DNAH6: variants seen among roughly 807,000 people sequenced by gnomAD.
DNAH6 encodes dynein axonemal heavy chain 6, also known as axonemal beta dynein heavy chain 6.
In DNAH6, 340 loss-of-function variants were observed where a neutral mutation model predicts 491.4. The ratio of observed to expected loss-of-function variants is 0.69; its 90% CI spans 0.63 to 0.76. The LOEUF (loss-of-function observed/expected upper bound fraction) is 0.76. DNAH6 is among the 30% of genes least tolerant of loss of function. The pLI, the probability that DNAH6 is intolerant of heterozygous loss-of-function variation, is 0.00. For missense variants in DNAH6, 4,443 were observed against 4,972.2 expected (o/e 0.89, Z 3.20); for synonymous variants, 1,603 against 1,686.1 (o/e 0.95, Z 1.21).
chr2:84,621,430 T>C lies in DNAH6; in HGVS notation c.3958-8T>C. 1 of 1,542,616 alleles carries C rather than the reference T, an allele frequency of 6.5e-7. No homozygotes were observed. On this transcript the variant is annotated splice_region_variant and splice_polypyrimidine_tract_variant and intron_variant, in intron 25 of 76. Coordinates refer to ENST00000389394, the MANE Select transcript of DNAH6 (RefSeq NM_001370.2). The stretch of plus-strand genomic sequence containing the variant: ...CATCACATATTTAAGAAACATGTTT[T>C]CTTGCAGGTTATCCTGACTGTTTCT...
At chr2:84,669,547 A>G in intron 38 of DNAH6, 37 bp downstream of exon 38, 16 of 1,474,562 alleles carry the variant, frequency 1.1e-5, no homozygotes, top group Admixed American at 2.0e-5. Flanking sequence ...TCCTCTCCAA[A>G]TGTGAGGGCA....
intron 60 of DNAH6, among the ~76,000 whole-genome samples, chr2:84,725,017 C>T (rs1698494732): frequency 6.6e-6 from 1 of 152,160 alleles, no homozygotes; most frequent in Non-Finnish European, 1.5e-5. Context: ...AATGTTACCC[C>T]ACGTTGTCTT....
At chr2:84,524,644 C>A (rs1676447692) in intron 2 of DNAH6, among the ~76,000 whole-genome samples, 2 of 151,942 alleles carry the variant, frequency 1.3e-5, no homozygotes, top group South Asian at 4.1e-4. Context: ...GTAATGAAAT[C>A]CCTCAACATC....
intron 4 of DNAH6, among the ~76,000 whole-genome samples, chr2:84,535,591 A>G (rs1420393103): frequency 6.6e-6 from 1 of 151,818 alleles, no homozygotes; most frequent in African/African-American, 2.4e-5. Context: ...GCAAGAACAC[A>G]TAATATCTAA....
intron 14 of DNAH6, 30 bp downstream of exon 14, chr2:84,579,709 T>C: frequency 1.3e-6 from 2 of 1,513,740 alleles, no homozygotes; most frequent in Non-Finnish European, 1.8e-6. Flanking sequence ...TAACTCAATA[T>C]TCCAGATCTT....
intron 9 of DNAH6, 85 bp downstream of exon 9, chr2:84,550,142 C>T: frequency 9.1e-7 from 1 of 1,101,472 alleles, no homozygotes; most frequent in South Asian, 1.8e-5. Context: ...ATGCTATTTT[C>T]TGTGCACTAA....
chr2:84,725,634 C>A (rs1698554243), intron 60 of DNAH6, among the ~76,000 whole-genome samples: 1 of 152,110 alleles, frequency 6.6e-6, no homozygotes, highest in Admixed American at 6.5e-5. Flanking sequence ...AGTGAAAAGG[C>A]CCTAAAATAT....
At chr2:84,512,166 G>A (rs1487509722), upstream of DNAH6, among the ~76,000 whole-genome samples, 2 of 152,050 alleles carry the variant, frequency 1.3e-5, no homozygotes, top group African/African-American at 4.8e-5. Context: ...CTTTTCTATA[G>A]TCCCTTAGTC....
In DNAH6 at chr2:84,573,485, T is replaced by C; in HGVS notation, c.1822T>C (p.Phe608Leu). 7 of 1,584,358 alleles carry C rather than the reference T, an allele frequency of 4.4e-6. No homozygotes were observed. The highest frequency in any genetic ancestry group is 1.2e-5 in the South Asian group (1 of 84,642). ...CATTTAGGAAACCATTCAGGCCGCA[T>C]TTGAATCAGCCCGCATCTATGCAGC... is the stretch of plus-strand genomic sequence containing the variant. ...SQIKETIQAA[F>L]ESARIYAATF... Residue 608 changes from phenylalanine to leucine, a missense_variant, in exon 12 of 77, where the codon TTT becomes CTT. Physicochemically the swap from Phe to Leu is conservative, Grantham distance 22. Coordinates refer to ENST00000389394, the MANE Select transcript of DNAH6 (RefSeq NM_001370.2).
At chr2:84,510,526 C>G in the DNAH6 span, among the ~76,000 whole-genome samples, 10 of 152,240 alleles carry the variant, frequency 6.6e-5, no homozygotes, top group Non-Finnish European at 1.3e-4. Context: ...CGAACTTCCT[C>G]CTTTAGCTCG....
chr2:84,649,602 A>G (rs566386742), intron 33 of DNAH6, among the ~76,000 whole-genome samples: 2 of 152,230 alleles, frequency 1.3e-5, no homozygotes, highest in Admixed American at 6.5e-5. Flanking sequence ...TGTACCATAT[A>G]CTTCCCAGGT....
intron 37 of DNAH6, among the ~76,000 whole-genome samples, chr2:84,664,853 G>C (rs1691916595): frequency 6.6e-6 from 1 of 152,188 alleles, no homozygotes; most frequent in African/African-American, 2.4e-5. Context: ...TGGAAGTAAA[G>C]CACTCCTCAA....
At chr2:84,795,762 G>C (rs556792260) in intron 68 of DNAH6, among the ~76,000 whole-genome samples, 1 of 152,356 alleles carries the variant, frequency 6.6e-6, no homozygotes, top group South Asian at 2.1e-4. Flanking sequence ...TGTGGAAAGA[G>C]AGATGGGATA....
chr2:84,591,652 C>T (rs1456632589), intron 16 of DNAH6, among the ~76,000 whole-genome samples: 1 of 152,130 alleles, frequency 6.6e-6, no homozygotes, highest in East Asian at 1.9e-4. Context: ...GAGTACCCAA[C>T]ACAATCTTGA....
chr2:84,626,462 T>A (rs1221697780), intron 29 of DNAH6, among the ~76,000 whole-genome samples: 1 of 152,178 alleles, frequency 6.6e-6, no homozygotes, highest in Non-Finnish European at 1.5e-5. Context: ...TAGTGGAATT[T>A]AATAGAATAA....
intron 72 of DNAH6, among the ~76,000 whole-genome samples, chr2:84,809,876 A>G (rs1192365): frequency 0.12 from 18,164 of 152,064 alleles, 1,113 homozygotes; most frequent in Non-Finnish European, 0.13. Context: ...CAGTGGTAGT[A>G]TACATCCTTT....
At chr2:84,678,315 A>G (rs1237320301) in intron 41 of DNAH6, among the ~76,000 whole-genome samples, 1 of 152,070 alleles carries the variant, frequency 6.6e-6, no homozygotes, top group Non-Finnish European at 1.5e-5. Flanking sequence ...ACAAGACATA[A>G]CAGCAACCAC....
rs984037665 is a variant in DNAH6 at position 84,798,218 on chromosome 2, C to T, written c.11481+560C>T. ...CCATTACCTAAGGGTAGTCCAAGCTCTTCAGCATGCACTCGAAGCTCTCCC... is the reference window on the plus strand; with the variant it reads ...CCATTACCTAAGGGTAGTCCAAGCTTTTCAGCATGCACTCGAAGCTCTCCC... On this transcript the variant is annotated intron_variant, in intron 70 of 76. Transcript: ENST00000389394. Among the ~76,000 whole-genome samples the T allele has an allele frequency of 2.0e-5, 3 of 152,170 alleles. No individual in the cohort carries two copies. The East Asian group carries it at 5.8e-4, about 29-fold the overall frequency.
chr2:84,549,316 A>G (rs541074489), intron 8 of DNAH6, among the ~76,000 whole-genome samples: 5 of 152,348 alleles, frequency 3.3e-5, no homozygotes, highest in African/African-American at 9.6e-5. Context: ...GCGGTCTCTG[A>G]GGCTACCATA....
Sources: gnomAD v4.1 joint callset for allele counts (sites outside exome capture counted in the v4.1 genomes callset) on GRCh38, gnomAD v4.1.1 for gene constraint, MANE v1.5 for transcripts, NCBI Gene and HGNC (gene_info 2026-07-23, HGNC 2026-07-21) for gene names.